YPEL2: variants seen among roughly 807,000 people sequenced by gnomAD.
YPEL2 encodes the protein yippee like 2.
YPEL2 carries 2 observed loss-of-function variants against 19.1 expected under a neutral mutation model. That is an observed-to-expected ratio of 0.10 (90% CI 0.04 to 0.33). The LOEUF (loss-of-function observed/expected upper bound fraction) is 0.33, where lower values mean the gene tolerates loss of function less well. Ranked by LOEUF, YPEL2 falls within the 10% of genes least tolerant of loss-of-function variation. The pLI, the probability that YPEL2 is intolerant of heterozygous loss-of-function variation, is 1.00. For synonymous variants in YPEL2, 52 were observed against 50.0 expected, an observed-to-expected ratio of 1.04 and a Z score of -0.17; for missense variants, 66 against 140.7, an observed-to-expected ratio of 0.47 and a Z score of 2.68.
rs558651311 is a variant in YPEL2 at position 59,383,475 on chromosome 17, G to A, written c.118-4852G>A. Among the ~76,000 whole-genome samples, 404 of 147,534 alleles carry A rather than the reference G, an allele frequency of 2.7e-3. 1 individual carries two copies. Among genetic ancestry groups the A allele is most frequent in the African/African-American group, 9.6e-3 (388 of 40,310 alleles). ...TAGCTGGGCGTGGTGGTGGGTGCCT[G>A]TAGTCCCAGCTACTCGGGAGGCTGA... On this transcript the variant is annotated intron_variant, in intron 2 of 4. Transcript: ENST00000312655.
At chr17:59,360,670 A>C (rs1225137762) in intron 2 of YPEL2, among the ~76,000 whole-genome samples, 1 of 152,170 alleles carries the variant, frequency 6.6e-6, no homozygotes, top group Non-Finnish European at 1.5e-5. Flanking sequence ...ATCTGTACAG[A>C]AAGTCTCCAA....
intron 1 of YPEL2, among the ~76,000 whole-genome samples, chr17:59,343,815 G>A (rs1255561497): frequency 6.6e-6 from 1 of 152,108 alleles, no homozygotes; most frequent in East Asian, 1.9e-4. Context: ...ATCAGGTTGT[G>A]TTTTATAAAC....
rs547702527 is a variant in YPEL2 at position 59,397,345 on chromosome 17, C to G, written c.*155C>G. On this transcript the variant is annotated 3_prime_UTR_variant, in exon 5 of 5. Transcript: ENST00000312655. ...ACCCTGACGCCATCTTTCTGGTGAC[C>G]GGCCTCTAAATCGCTGTCTCTCTGT... 3 of 474,642 alleles carry G rather than the reference C, an allele frequency of 6.3e-6. No individual in the cohort carries two copies. The highest frequency in any genetic ancestry group is 6.1e-5 in the African/African-American group (3 of 49,484). 29.4% of individuals were successfully genotyped at this position (474,642 alleles called of 1,614,324 possible). A position where few individuals can be genotyped will look rare whatever the true frequency, so the allele number is the denominator to read the frequency against.
chr17:59,364,727 C>T (rs1292496919), intron 2 of YPEL2, among the ~76,000 whole-genome samples: 1 of 151,134 alleles, frequency 6.6e-6, no homozygotes, highest in Non-Finnish European at 1.5e-5. Context: ...AAGCAATTCT[C>T]CTATTCAGCC....
chr17:59,352,472 G>C (rs1454472029), intron 1 of YPEL2, among the ~76,000 whole-genome samples: 3 of 152,184 alleles, frequency 2.0e-5, no homozygotes, highest in African/African-American at 7.2e-5. Context: ...AAGTCTAAGG[G>C]CTGGGAGAAA....
chr17:59,381,645 A>G (rs1408959670), intron 2 of YPEL2, among the ~76,000 whole-genome samples: 1 of 152,226 alleles, frequency 6.6e-6, no homozygotes, highest in Non-Finnish European at 1.5e-5. Flanking sequence ...GGAAACTCAA[A>G]GCCCTTTCTG....
At chr17:59,346,493 G>A (rs908074203) in intron 1 of YPEL2, among the ~76,000 whole-genome samples, 2 of 152,096 alleles carry the variant, frequency 1.3e-5, no homozygotes, top group Admixed American at 6.6e-5. Context: ...GTCTCGGGAC[G>A]CAGAGTAAGT....
At position 59,349,693 on chromosome 17, in the gene YPEL2, G is replaced by A. The variant is rs1025574239; in HGVS notation, c.-195-3522G>A. On this transcript the variant is annotated intron_variant, in intron 1 of 4. Coordinates refer to ENST00000312655, the MANE Select transcript of YPEL2 (RefSeq NM_001005404.4). The stretch of plus-strand genomic sequence containing the variant: ...TTGTTTTGTTTTGAGACAGAATCTC[G>A]CACTGTCACCAGACTGGAGTGCAGT... Among the ~76,000 whole-genome samples the A allele has an allele frequency of 1.9e-4, 29 of 151,742 alleles. 1 individual carries two copies. The highest frequency in any genetic ancestry group is 1.2e-4 in the Non-Finnish European group (8 of 67,976).
chr17:59,389,572 G>A (rs1567760317), intron 4 of YPEL2, 104 bp downstream of exon 4: 2 of 849,260 alleles, frequency 2.4e-6, no homozygotes, highest in East Asian at 5.3e-5. Flanking sequence ...TTGTGGGATT[G>A]TCTTAGACCA....
At chr17:59,393,349 G>C (rs1390931626) in intron 4 of YPEL2, among the ~76,000 whole-genome samples, 3 of 149,674 alleles carry the variant, frequency 2.0e-5, no homozygotes, top group Non-Finnish European at 4.4e-5. Context: ...TGTTTCCCAG[G>C]CTGGTCTCAA....
intron 2 of YPEL2, among the ~76,000 whole-genome samples, chr17:59,368,152 C>T (rs781369728): frequency 3.3e-5 from 5 of 152,072 alleles, no homozygotes; most frequent in Non-Finnish European, 5.9e-5. Context: ...GGCATGATCA[C>T]AACTCACTGC....
rs761724126 is a variant in YPEL2 at position 59,396,119 on chromosome 17, T to C, written c.271-982T>C. On this transcript the variant is annotated intron_variant, in intron 4 of 4. Transcript: ENST00000312655. The stretch of plus-strand genomic sequence containing the variant: ...ATAAAATTAGAACCAGGTTTTCTTA[T>C]GTTCTTAGAAACTAGCAGGAATGAC... 4.2e-4 allele frequency among the ~76,000 whole-genome samples: 64 copies of C among 152,228 alleles called. 1 individual carries two copies. The highest frequency in any genetic ancestry group is 1.6e-3 in the Admixed American group (24 of 15,274).
intron 1 of YPEL2, among the ~76,000 whole-genome samples, chr17:59,346,068 G>C (rs1438294823): frequency 6.6e-6 from 1 of 152,130 alleles, no homozygotes; most frequent in African/African-American, 2.4e-5. Flanking sequence ...AGGATTCTGG[G>C]GAGAGTAGGA....
chr17:59,351,115 C>A (rs945477132), intron 1 of YPEL2, among the ~76,000 whole-genome samples: 1 of 152,126 alleles, frequency 6.6e-6, no homozygotes, highest in Non-Finnish European at 1.5e-5. Flanking sequence ...TGGTTCACAC[C>A]TGTAATGCCA....
At chr17:59,386,755 C>T (rs1172256354) in intron 2 of YPEL2, among the ~76,000 whole-genome samples, 1 of 152,184 alleles carries the variant, frequency 6.6e-6, no homozygotes, top group African/African-American at 2.4e-5. Flanking sequence ...CTTTGACACT[C>T]ATAGCTGCTC....
chr17:59,376,142 A>G (rs2047919780), intron 2 of YPEL2, among the ~76,000 whole-genome samples: 1 of 152,176 alleles, frequency 6.6e-6, no homozygotes, highest in African/African-American at 2.4e-5. Flanking sequence ...TGACACCTTC[A>G]TGACCCCATC....
chr17:59,359,066 G>A (rs1377785383), intron 2 of YPEL2, among the ~76,000 whole-genome samples: 1 of 151,840 alleles, frequency 6.6e-6, no homozygotes, highest in Non-Finnish European at 1.5e-5. Context: ...TGGCATTACA[G>A]GTGCACATAA....
chr17:59,363,091 C>G (rs917364115), intron 2 of YPEL2: 2 of 152,044 alleles, frequency 1.3e-5, no homozygotes, highest in African/African-American at 4.8e-5. Context: ...GATGGAAAAT[C>G]TATGTTGCTG....
chr17:59,380,790 A>G (rs1392027651), intron 2 of YPEL2, among the ~76,000 whole-genome samples: 1 of 152,254 alleles, frequency 6.6e-6, no homozygotes, highest in Non-Finnish European at 1.5e-5. Flanking sequence ...AGCAAGTGCC[A>G]GGTGCTTTAA....
Sources: allele counts gnomAD v4.1 joint callset (sites outside exome capture counted in the v4.1 genomes callset), GRCh38; gene constraint gnomAD v4.1.1; transcripts MANE v1.5; gene names NCBI Gene and HGNC (gene_info 2026-07-23, HGNC 2026-07-21).